Variants in RSU1 observed in about 807,000 individuals in gnomAD.
RSU1 encodes the protein rsu-1.
Under a neutral mutation model 31.1 loss-of-function variants are expected in RSU1, and 26 were observed. The observed-to-expected ratio is 0.84, with a 90% CI of 0.61 to 1.16. The LOEUF (loss-of-function observed/expected upper bound fraction) is 1.16, where lower values mean the gene tolerates loss of function less well. RSU1 is among the 50% of genes most tolerant of loss of function. The pLI is 0.00. For missense variants in RSU1, 320 were observed against 339.1 expected (o/e 0.94, Z 0.44); for synonymous variants, 164 against 136.3 (o/e 1.20, Z -1.41).
chr10:16,599,543 G>A (rs1271945776), intron 8 of RSU1, among the ~76,000 whole-genome samples: 1 of 152,152 alleles, frequency 6.6e-6, no homozygotes, highest in East Asian at 1.9e-4. Flanking sequence ...AGCCCTGAAC[G>A]ATGTGTGCCC....
intron 7 of RSU1, chr10:16,727,136 A>G (rs767274611): frequency 1.3e-5 from 6 of 456,528 alleles, no homozygotes; most frequent in South Asian, 9.3e-5. Context: ...ACAAGGGAAC[A>G]GGATGTGGCC....
chr10:16,793,344 AT>A (rs1031851174), intron 2 of RSU1, among the ~76,000 whole-genome samples: 2 of 152,128 alleles, frequency 1.3e-5, no homozygotes, highest in African/African-American at 4.8e-5. Flanking sequence ...TGACAAAACA[AT>A]TGAACATAAA....
intron 5 of RSU1, among the ~76,000 whole-genome samples, chr10:16,754,144 A>G (rs1826862990): frequency 6.6e-6 from 1 of 152,212 alleles, no homozygotes; most frequent in Non-Finnish European, 1.5e-5. Flanking sequence ...GTAAAAAATA[A>G]AATTTTAGAG....
chr10:16,797,567 T>C (rs934570451), intron 2 of RSU1, among the ~76,000 whole-genome samples: 6 of 152,156 alleles, frequency 3.9e-5, no homozygotes, highest in Admixed American at 6.5e-5. Context: ...AAGAACATCA[T>C]TGACCATGAA....
chr10:16,673,413 A>G (rs981027796), intron 8 of RSU1, among the ~76,000 whole-genome samples: 6 of 152,370 alleles, frequency 3.9e-5, no homozygotes, highest in African/African-American at 1.4e-4. Context: ...TCCACATTTT[A>G]GGAGAAAGAA....
intron 8 of RSU1, among the ~76,000 whole-genome samples, chr10:16,623,292 TTTTCTG>T (rs1177811836): frequency 6.6e-6 from 1 of 152,150 alleles, no homozygotes; most frequent in African/African-American, 2.4e-5. Context: ...AGTAATCTGG[TTTTCTG>T]TTTCTGTGTT....
chr10:16,672,142 CAAA>C (rs528486452), intron 8 of RSU1, among the ~76,000 whole-genome samples: 2,535 of 112,462 alleles, frequency 0.023, 49 homozygotes, highest in East Asian at 0.086. Context: ...ACTAAAAATA[CAAA>C]AAAAAAAAAA....
chr10:16,671,198 A>G (rs1046249994), intron 8 of RSU1, among the ~76,000 whole-genome samples: 57 of 152,170 alleles, frequency 3.7e-4, no homozygotes, highest in Admixed American at 3.4e-3. Context: ...GTGCCCATCA[A>G]TGGTGGGCTG....
Position 16,655,064 on chromosome 10 carries a change from AAAAAAAAAAAAG to A in RSU1, c.731+39947_731+39958del, listed in dbSNP as rs1834753876. On this transcript the variant is annotated intron_variant, in intron 8 of 8. Coordinates refer to ENST00000345264, the MANE Select transcript of RSU1 (RefSeq NM_012425.4). ...CAAAGACTTTGTCCCTTAAAAAAAA[AAAAAAAAAAAAG>A]AGAGAGAGAGAGAGAGAAATGCATT... Among the ~76,000 whole-genome samples the A allele has an allele frequency of 2.3e-5, 3 of 129,076 alleles. No individual in the cohort carries two copies. In the South Asian group the frequency reaches 7.6e-4, roughly 33 times the overall value. The allele number at this position is 129,076 out of a possible 152,430, so 84.7% of individuals were successfully genotyped here.
intron 7 of RSU1, among the ~76,000 whole-genome samples, chr10:16,710,655 A>T (rs911183444): frequency 2.6e-5 from 4 of 151,920 alleles, no homozygotes; most frequent in Admixed American, 1.3e-4. Flanking sequence ...TTGATGAAAC[A>T]TTTTTTTTAA....
chr10:16,652,859 T>C (rs1445938572), intron 8 of RSU1, among the ~76,000 whole-genome samples: 1 of 151,514 alleles, frequency 6.6e-6, no homozygotes, highest in African/African-American at 2.4e-5. Context: ...TTTTTTTTTT[T>C]AAAGAGATGG....
intron 8 of RSU1, among the ~76,000 whole-genome samples, chr10:16,635,557 T>G (rs951099680): frequency 2.6e-5 from 4 of 152,314 alleles, no homozygotes; most frequent in Middle Eastern, 3.4e-3. Flanking sequence ...GTCCCTCCAC[T>G]GGCATTCAAG....
At chr10:16,610,977 C>T (rs1239693661) in intron 8 of RSU1, among the ~76,000 whole-genome samples, 1 of 152,168 alleles carries the variant, frequency 6.6e-6, no homozygotes, top group Non-Finnish European at 1.5e-5. Flanking sequence ...AAATGAATAA[C>T]TCCTGAAGCC....
chr10:16,812,946 A>G lies in RSU1; in HGVS notation c.109+4027T>C, dbSNP rs189046726. Among the ~76,000 whole-genome samples the G allele has an allele frequency of 4.1e-3, 630 of 152,018 alleles. 1 individual carries two copies. The highest frequency in any genetic ancestry group is 7.2e-3 in the Admixed American group (109 of 15,242). ...TTCTGCAGTGAAATCTCTTTAATAAAAAGAATAAAATCAGCAGCATTACGA... is the reference window on the plus strand; with the variant it reads ...TTCTGCAGTGAAATCTCTTTAATAAGAAGAATAAAATCAGCAGCATTACGA... On this transcript the variant is annotated intron_variant, in intron 2 of 8. Coordinates refer to ENST00000345264, the MANE Select transcript of RSU1 (RefSeq NM_012425.4).
At chr10:16,799,946 T>TC (rs1045589134) in intron 2 of RSU1, among the ~76,000 whole-genome samples, 1 of 152,200 alleles carries the variant, frequency 6.6e-6, no homozygotes. Context: ...GTTTCCCTTT[T>TC]CCCGATGCCT....
In RSU1 at chr10:16,592,070, T is replaced by C. The variant is rs1292737675; in HGVS notation, c.*1324A>G. ...AGAACTTGTTGTTTGATTTTGATTTTTGACTTTTTTATATGCCCCAGTGGG... is the reference window on the plus strand; with the variant it reads ...AGAACTTGTTGTTTGATTTTGATTTCTGACTTTTTTATATGCCCCAGTGGG... On this transcript the variant is annotated 3_prime_UTR_variant, in exon 9 of 9. Coordinates refer to ENST00000345264, the MANE Select transcript of RSU1 (RefSeq NM_012425.4). 1 of 150,668 alleles carries C rather than the reference T, an allele frequency of 6.6e-6. No homozygotes were observed. Among genetic ancestry groups the C allele is most frequent in the Non-Finnish European group, 1.5e-5 (1 of 68,040 alleles). The allele number at this position is 150,668 out of a possible 1,614,324, so 9.3% of individuals were successfully genotyped here.
At chr10:16,674,394 G>A (rs937541448) in intron 8 of RSU1, among the ~76,000 whole-genome samples, 6 of 142,986 alleles carry the variant, frequency 4.2e-5, no homozygotes, top group Non-Finnish European at 7.5e-5. Flanking sequence ...GATGTGTCAC[G>A]GAAGGTTTTT....
intron 8 of RSU1, among the ~76,000 whole-genome samples, chr10:16,595,427 T>C (rs1833595215): frequency 6.6e-6 from 1 of 152,056 alleles, no homozygotes; most frequent in Admixed American, 6.5e-5. Flanking sequence ...TCACGGAGTG[T>C]AGAACACAGG....
intron 8 of RSU1, among the ~76,000 whole-genome samples, chr10:16,639,252 C>G (rs1349225908): frequency 6.6e-6 from 1 of 152,164 alleles, no homozygotes; most frequent in Admixed American, 6.5e-5. Context: ...ACGTATTAAT[C>G]CATAAAGCTG....
Sources: allele counts gnomAD v4.1 joint callset (sites outside exome capture counted in the v4.1 genomes callset), GRCh38; gene constraint gnomAD v4.1.1; transcripts MANE v1.5; gene names NCBI Gene and HGNC (gene_info 2026-07-23, HGNC 2026-07-21).